Variants in EML3 observed in about 807,000 individuals in gnomAD.
EML3 encodes echinoderm microtubule-associated protein-like 3.
In EML3, 53 loss-of-function variants were observed where a neutral mutation model predicts 106.7. That is an observed-to-expected ratio of 0.50 (90% CI 0.40 to 0.62). The LOEUF is 0.62. Ranked by LOEUF, EML3 falls within the 20% of genes least tolerant of loss-of-function variation. EML3 has a pLI of 0.00. For missense variants in EML3, 994 were observed against 1,209.1 expected, an observed-to-expected ratio of 0.82 and a Z score of 2.64; for synonymous variants, 499 against 489.6, an observed-to-expected ratio of 1.02 and a Z score of -0.25.
Position 62,605,555 on chromosome 11 carries a change from G to C in EML3, c.1914+87C>G. On this transcript the variant is annotated intron_variant, in intron 15 of 21. Coordinates refer to ENST00000394773, the MANE Select transcript of EML3 (RefSeq NM_153265.3). The surrounding 1 kb of genome is among the most constrained non-coding windows in gnomAD (Gnocchi z 5.2). ...AGTACAAACTGGCCACCTCTGGGAG[G>C]CAGAAGGCAAGGTGCTGGGGAAGGC... 1 of 1,478,812 alleles carries C rather than the reference G, an allele frequency of 6.8e-7. No individual in the cohort carries two copies. The allele number at this position is 1,478,812 out of a possible 1,614,324, so 91.6% of individuals were successfully genotyped here. A position where few individuals can be genotyped will look rare whatever the true frequency, so the allele number is the denominator to read the frequency against.
rs1220379372 is a variant in EML3, at chr11:62,603,202, C to G, written c.2303G>C (p.Ser768Thr). 1.2e-6 allele frequency: 2 copies of G among 1,614,082 alleles called. No homozygotes were observed. Among genetic ancestry groups the G allele is most frequent in the Non-Finnish European group, 8.5e-7 (1 of 1,180,040 alleles). Residue 768 changes from serine to threonine, a missense_variant, in exon 20 of 22, where the codon AGC (serine) becomes ACC (threonine). Around this residue, in one of 3 missense-constraint regions of EML3, gnomAD observed 713 missense variants for 920.5 expected, o/e 0.77. Coordinates refer to ENST00000394773, the MANE Select transcript of EML3 (RefSeq NM_153265.3). ...GTAGGTAGCCCATTCCCGGTCTCGG[C>G]TCTCATAGCGATTCTTCAGCTGCTT... Reference protein sequence around the residue: ...GCKQLKNRYESRDREWATYTC... With the variant: ...GCKQLKNRYETRDREWATYTC...
chr11:62,610,695 G>C (rs1218476431), intron 4 of EML3, among the ~76,000 whole-genome samples, 184 bp downstream of exon 4: 2 of 152,320 alleles, frequency 1.3e-5, no homozygotes, highest in East Asian at 3.9e-4. Context: ...GACTGACTGA[G>C]ATGGAGGAGG....
chr11:62,606,856 C>CAAAA (rs71056532), intron 12 of EML3, 102 bp downstream of exon 12: 1,456 of 915,258 alleles, frequency 1.6e-3, no homozygotes, highest in Non-Finnish European at 1.8e-3. Flanking sequence ...GACCTCATCT[C>CAAAA]AAAAAAAAAA....
At chr11:62,607,975 T>C in intron 10 of EML3, 154 bp from the exon 11 acceptor site, 1 of 906,564 alleles carries the variant, frequency 1.1e-6, no homozygotes, top group South Asian at 1.7e-5. Context: ...AAGAGCACTA[T>C]TTCCTGTCAA....
chr11:62,608,191 G>T lies in EML3; in HGVS notation c.1206+10C>A. 6.2e-7 allele frequency: 1 copy of T among 1,613,614 alleles called. No homozygotes were observed. The highest frequency in any genetic ancestry group is 8.5e-7 in the Non-Finnish European group (1 of 1,179,790). The stretch of plus-strand genomic sequence containing the variant: ...CCTCAGAGCCCCTCCAAGCCACATG[G>T]ACTCCTCACCTTGATCTCAGCCAGC... On this transcript the variant is annotated intron_variant, in intron 10 of 21. Transcript: ENST00000394773.
intron 20 of EML3, 52 bp from the exon 21 acceptor site, chr11:62,602,941 C>A: frequency 6.7e-7 from 1 of 1,490,558 alleles, no homozygotes; most frequent in Non-Finnish European, 8.9e-7. Flanking sequence ...CCACCCACGG[C>A]CCAGAGCTAC....
chr11:62,606,386 G>T, intron 12 of EML3, 172 bp from the exon 13 acceptor site: 1 of 778,550 alleles, frequency 1.3e-6, no homozygotes. Flanking sequence ...TTACAAACAG[G>T]ACAACTGAGA....
Position 62,605,959 on chromosome 11 carries a change from C to T in EML3, c.1678G>A (p.Val560Met), listed in dbSNP as rs1311258538. 10 of 1,614,046 alleles carry T rather than the reference C, an allele frequency of 6.2e-6. No homozygotes were observed. The highest frequency in any genetic ancestry group is 1.1e-5 in the South Asian group (1 of 91,096). The change falls in exon 14 of 22, where the codon GTG becomes ATG. Residue 560 changes from valine (V) to methionine (M), a missense_variant. Physicochemically the swap from Val to Met is conservative, Grantham distance 21 (BLOSUM62 1). Transcript: ENST00000394773. The surrounding 1 kb of genome is among the most constrained non-coding windows in gnomAD (Gnocchi z 5.2). ...EAEIPEHFGA[V>M]RAIAEGLGSE... ...CCAAGCCCTTCAGCAATGGCTCGCA[C>T]GGCCCCGAAGTGCTCGGGAATCTGC... is the stretch of plus-strand genomic sequence containing the variant.
At chr11:62,611,373 A>T (rs780098316) in intron 2 of EML3, 29 bp from the exon 3 acceptor site, 2 of 1,613,462 alleles carry the variant, frequency 1.2e-6, no homozygotes, top group Non-Finnish European at 1.7e-6. Flanking sequence ...ATTAACCTGA[A>T]GCCCCAGAGG....
intron 12 of EML3, 56 bp from the exon 13 acceptor site, chr11:62,606,270 A>G: frequency 6.3e-7 from 1 of 1,577,416 alleles, no homozygotes; most frequent in Non-Finnish European, 8.6e-7. Flanking sequence ...AGTGAGAAAC[A>G]GGGCCAGCTT....
At chr11:62,612,059 CAAGAA>C in intron 1 of EML3, 1 of 392,668 alleles carries the variant, frequency 2.5e-6, no homozygotes, top group Non-Finnish European at 4.6e-6. Flanking sequence ...ACCCAGAGTA[CAAGAA>C]AAGAGATCCA....
Position 62,604,156 on chromosome 11 carries a change from G to T in EML3, c.2028C>A (p.Val676=). Residue 676 remains valine, a synonymous_variant, in exon 17 of 22, where the codon GTC becomes GTA. Coordinates refer to ENST00000394773, the MANE Select transcript of EML3 (RefSeq NM_153265.3). Reference sequence around the variant, plus strand: ...CTGAGAGCTGCTCATTGCCATCAATGACATCAGACACGATCTCTCTGGTCT... The same window carrying T: ...CTGAGAGCTGCTCATTGCCATCAATTACATCAGACACGATCTCTCTGGTCT... ...DTETREIVSD[V]IDGNEQLSVV... The T allele has an allele frequency of 6.2e-7, 1 of 1,613,944 alleles. No individual in the cohort carries two copies. Among genetic ancestry groups the T allele is most frequent in the Non-Finnish European group, 8.5e-7 (1 of 1,179,974 alleles).
At chr11:62,606,628 G>A (rs1196989048) in intron 12 of EML3, among the ~76,000 whole-genome samples, 4 of 152,200 alleles carry the variant, frequency 2.6e-5, no homozygotes, top group Admixed American at 2.6e-4. Flanking sequence ...AGGCCAAGGC[G>A]GGCGGATCAC....
In EML3 at chr11:62,612,500, T is replaced by A. The variant is rs1295715342; in HGVS notation, c.-43A>T. The A allele has an allele frequency of 7.3e-7, 1 of 1,374,438 alleles. No homozygotes were observed. Among genetic ancestry groups the A allele is most frequent in the Non-Finnish European group, 9.3e-7 (1 of 1,072,798 alleles). 85.1% of individuals were successfully genotyped at this position (1,374,438 alleles called of 1,614,324 possible). A position where few individuals can be genotyped will look rare whatever the true frequency, so the allele number is the denominator to read the frequency against. On this transcript the variant is annotated 5_prime_UTR_variant, in exon 1 of 22. Coordinates refer to ENST00000394773, the MANE Select transcript of EML3 (RefSeq NM_153265.3). ...CCGAGCGGCGGCGGCGGAGGAGGCG[T>A]CTAAGCCGCGGGGGCCACGGCCGGG...
rs1056890371 is a variant in EML3, at chr11:62,611,208, C to T, written c.331G>A (p.Gly111Arg). Reference protein sequence around the residue: ...GLSNGPPAPQGASEEPSGTQS... With the variant: ...GLSNGPPAPQRASEEPSGTQS... ...GTCCCGCTAGGCTCTTCGCTGGCCCCCTGAGGGGCTGGGGGTCCATTGCTC... is the reference window on the plus strand; with the variant it reads ...GTCCCGCTAGGCTCTTCGCTGGCCCTCTGAGGGGCTGGGGGTCCATTGCTC... The change falls in exon 3 of 22, where the codon GGG becomes AGG. Residue 111 changes from glycine to arginine, a missense_variant. By Grantham distance (125) the Gly-to-Arg change is moderately radical. Around this residue, in one of 3 missense-constraint regions of EML3, gnomAD observed 269 missense variants for 265.1 expected, o/e 1.01. Transcript: ENST00000394773. 1.2e-6 allele frequency: 2 copies of T among 1,610,766 alleles called. No individual in the cohort carries two copies. Among genetic ancestry groups the T allele is most frequent in the Non-Finnish European group, 1.7e-6 (2 of 1,179,562 alleles).
intron 10 of EML3, 25 bp downstream of exon 10, chr11:62,608,176 C>T: frequency 6.2e-7 from 1 of 1,610,764 alleles, no homozygotes; most frequent in Non-Finnish European, 8.5e-7. Flanking sequence ...CCTCAGAGCC[C>T]CTCCAAGCCA....
At position 62,602,373 on chromosome 11, in the gene EML3, G is replaced by A. The variant is rs1408232657; in HGVS notation, c.*102C>T. On this transcript the variant is annotated 3_prime_UTR_variant, in exon 22 of 22. Transcript: ENST00000394773. Reference sequence around the variant, plus strand: ...CGCGATCGGGAATGTCTCGAAGTCAGTCCAGGAAAGAGTCGGCCCCTAGTC... The same window carrying A: ...CGCGATCGGGAATGTCTCGAAGTCAATCCAGGAAAGAGTCGGCCCCTAGTC... 1.3e-6 allele frequency: 2 copies of A among 1,550,800 alleles called. No individual in the cohort carries two copies. Among genetic ancestry groups the A allele is most frequent in the African/African-American group, 2.7e-5 (2 of 73,144 alleles).
intron 4 of EML3, 108 bp from the exon 5 acceptor site, chr11:62,609,804 G>T: frequency 1.0e-6 from 1 of 955,418 alleles, no homozygotes; most frequent in Non-Finnish European, 1.6e-6. Flanking sequence ...AGTCACTTCT[G>T]CAAGCCTGTA....
intron 12 of EML3, 68 bp downstream of exon 12, chr11:62,606,890 C>A: frequency 1.4e-6 from 2 of 1,405,266 alleles, no homozygotes; most frequent in Non-Finnish European, 1.9e-6. Context: ...GAATGGGAAA[C>A]CCTCTCCTCT....
Sources: gnomAD v4.1 joint callset for allele counts (sites outside exome capture counted in the v4.1 genomes callset) on GRCh38, gnomAD v4.1.1 for gene constraint, gnomAD v4.1.1 regional missense constraint, Gnocchi (gnomAD v3.1) non-coding constraint, MANE v1.5 for transcripts, NCBI Gene and HGNC (gene_info 2026-07-23, HGNC 2026-07-21) for gene names.